The following CAMTA1 variants were observed in gnomAD, a reference collection of about 807,000 sequenced individuals.
CAMTA1 encodes the protein calmodulin-binding transcription activator 1.
CAMTA1 carries 27 observed loss-of-function variants against 170.9 expected under a neutral mutation model. That is an observed-to-expected ratio of 0.16 (90% CI 0.12 to 0.22). The LOEUF (loss-of-function observed/expected upper bound fraction) is 0.22. Among genes scored for constraint, CAMTA1 ranks in the 10% least tolerant of loss-of-function variants. The pLI is 1.00. For synonymous variants in CAMTA1, 833 were observed against 891.5 expected (o/e 0.93, Z 1.17); for missense variants, 1,619 against 2,217.2 (o/e 0.73, Z 5.42).
chr1:7,666,246 A>T (rs77430322), intron 9 of CAMTA1, among the ~76,000 whole-genome samples: 3,672 of 152,234 alleles, frequency 0.024, 139 homozygotes, highest in African/African-American at 0.081. Context: ...CTCTAAGCCA[A>T]ACAAAACCAA....
At chr1:7,039,883 T>A (rs1704161177) in intron 3 of CAMTA1, among the ~76,000 whole-genome samples, 1 of 152,154 alleles carries the variant, frequency 6.6e-6, no homozygotes, top group Non-Finnish European at 1.5e-5. Context: ...AATTGCCTTT[T>A]TTCTGGGGGC....
intron 5 of CAMTA1, among the ~76,000 whole-genome samples, chr1:7,341,050 C>G (rs1378667775): frequency 1.3e-5 from 2 of 152,252 alleles, no homozygotes; most frequent in East Asian, 3.8e-4. Flanking sequence ...TGCCAAGACA[C>G]AGCCTTGATG....
rs192579461 is a variant in CAMTA1, at chr1:7,594,833, C to A, written c.511-45567C>A. On this transcript the variant is annotated intron_variant, in intron 6 of 22. Coordinates refer to ENST00000303635, the MANE Select transcript of CAMTA1 (RefSeq NM_015215.4). ...AAAGGGAGGCCCAGCGGGGAACAGGCGGGATGAAGAGCTCCCCTCGGGTCA... is the reference window on the plus strand; with the variant it reads ...AAAGGGAGGCCCAGCGGGGAACAGGAGGGATGAAGAGCTCCCCTCGGGTCA... Among the ~76,000 whole-genome samples the A allele has an allele frequency of 7.2e-5, 11 of 152,244 alleles. No homozygotes were observed. The East Asian group carries it at 2.1e-3, about 29-fold the overall frequency.
At chr1:7,226,666 A>T (rs572324796) in intron 4 of CAMTA1, among the ~76,000 whole-genome samples, 1 of 152,182 alleles carries the variant, frequency 6.6e-6, no homozygotes, top group Non-Finnish European at 1.5e-5. Context: ...GAAGAATTCT[A>T]TAGAAATGAG....
intron 19 of CAMTA1, chr1:7,749,913 G>T: frequency 2.5e-6 from 1 of 398,174 alleles, no homozygotes; most frequent in Admixed American, 3.0e-5. Flanking sequence ...TATCCCCCTT[G>T]CCAGGCCACC....
intron 3 of CAMTA1, among the ~76,000 whole-genome samples, chr1:6,938,452 A>T (rs1162820051): frequency 6.6e-6 from 1 of 152,124 alleles, no homozygotes; most frequent in Non-Finnish European, 1.5e-5. Context: ...GCTCTGCTCC[A>T]TGCTGGCAGC....
In CAMTA1 at chr1:7,213,968, A is replaced by G. The variant is rs570752521; in HGVS notation, c.303-35523A>G. Among the ~76,000 whole-genome samples, 1,282 of 152,244 alleles carry G rather than the reference A, an allele frequency of 8.4e-3. 18 individuals carry two copies. The highest frequency in any genetic ancestry group is 0.028 in the African/African-American group (1,182 of 41,542). On this transcript the variant is annotated intron_variant, in intron 4 of 22. Coordinates refer to ENST00000303635, the MANE Select transcript of CAMTA1 (RefSeq NM_015215.4). The stretch of plus-strand genomic sequence containing the variant: ...ATTTTTTATGGCTGCATAGTATTCC[A>G]TGGTGTATATGTGCCACATTTTCTT...
intron 5 of CAMTA1, among the ~76,000 whole-genome samples, chr1:7,255,383 C>T (rs976403404): frequency 1.3e-5 from 2 of 151,952 alleles, no homozygotes; most frequent in Non-Finnish European, 2.9e-5. Context: ...ACTCCATTAC[C>T]CTCCAGCCTC....
At chr1:6,867,980 A>AT (rs1667169287) in intron 3 of CAMTA1, among the ~76,000 whole-genome samples, 1 of 151,760 alleles carries the variant, frequency 6.6e-6, no homozygotes, top group African/African-American at 2.4e-5. Flanking sequence ...GCTAATGTTA[A>AT]TTTTTTGTGG....
At chr1:7,703,770 G>C (rs960006927) in intron 11 of CAMTA1, among the ~76,000 whole-genome samples, 1 of 152,172 alleles carries the variant, frequency 6.6e-6, no homozygotes, top group Non-Finnish European at 1.5e-5. Flanking sequence ...CTCTGTGCGA[G>C]GCCGTGGGAC....
At chr1:7,630,038 A>C (rs2095658526) in intron 6 of CAMTA1, among the ~76,000 whole-genome samples, 2 of 152,226 alleles carry the variant, frequency 1.3e-5, no homozygotes, top group Admixed American at 6.5e-5. Flanking sequence ...GTCATCTGCA[A>C]ACGTGGAGAT....
In CAMTA1 at chr1:7,641,210, C is replaced by G. The variant is rs529276139; in HGVS notation, c.664+657C>G. 6.6e-6 allele frequency among the ~76,000 whole-genome samples: 1 copy of G among 152,224 alleles called. No individual in the cohort carries two copies. The highest frequency in any genetic ancestry group is 1.9e-4 in the East Asian group (1 of 5,188). On this transcript the variant is annotated intron_variant, in intron 7 of 22. Coordinates refer to ENST00000303635, the MANE Select transcript of CAMTA1 (RefSeq NM_015215.4). The surrounding 1 kb of genome is among the most constrained non-coding windows in gnomAD (Gnocchi z 4.5). ...CGGCTCTCAGTGGCTTCTCCTGCCCCCTGTTCAGCGGGGCTCGGGAAAAAC... is the reference window on the plus strand; with the variant it reads ...CGGCTCTCAGTGGCTTCTCCTGCCCGCTGTTCAGCGGGGCTCGGGAAAAAC...
chr1:7,089,914 G>A (rs1471784466), intron 3 of CAMTA1, among the ~76,000 whole-genome samples: 3 of 152,190 alleles, frequency 2.0e-5, no homozygotes, highest in Non-Finnish European at 2.9e-5. Context: ...ACGTAAAAAG[G>A]CTCAGGGATG....
At chr1:7,252,115 CT>C (rs1262143678) in intron 5 of CAMTA1, among the ~76,000 whole-genome samples, 2 of 152,126 alleles carry the variant, frequency 1.3e-5, no homozygotes, top group African/African-American at 4.8e-5. Context: ...TTATACACGT[CT>C]TTTTGGGCAC....
intron 3 of CAMTA1, among the ~76,000 whole-genome samples, chr1:7,028,524 CCTT>C (rs1175222095): frequency 1.3e-5 from 2 of 152,188 alleles, no homozygotes; most frequent in Non-Finnish European, 2.9e-5. Context: ...TGCATGTTCT[CCTT>C]CTTGCTGCCG....
chr1:7,258,946 C>T (rs1034327851), intron 5 of CAMTA1, among the ~76,000 whole-genome samples: 8 of 152,152 alleles, frequency 5.3e-5, no homozygotes, highest in African/African-American at 1.9e-4. Flanking sequence ...CTCTGCTTCC[C>T]ACACGCCGGG....
chr1:7,668,665 C>G (rs908443974), intron 9 of CAMTA1, among the ~76,000 whole-genome samples: 1 of 152,124 alleles, frequency 6.6e-6, no homozygotes, highest in Non-Finnish European at 1.5e-5. Flanking sequence ...CGCAGCCAGG[C>G]GGGCTGTTGC....
In CAMTA1 at chr1:7,171,285, G is replaced by A. The variant is rs145274348; in HGVS notation, c.303-78206G>A. Among the ~76,000 whole-genome samples the A allele has an allele frequency of 5.3e-3, 807 of 152,280 alleles. 8 individuals carry two copies. Among genetic ancestry groups the A allele is most frequent in the African/African-American group, 0.019 (785 of 41,550 alleles). ...TGTTCAGAGTATGTGCAATTGCCTT[G>A]GTTTGGAGACATGGCTGCACACATT... is the stretch of plus-strand genomic sequence containing the variant. On this transcript the variant is annotated intron_variant, in intron 4 of 22. Coordinates refer to ENST00000303635, the MANE Select transcript of CAMTA1 (RefSeq NM_015215.4).
chr1:7,492,814 C>T (rs1466557234), intron 6 of CAMTA1, among the ~76,000 whole-genome samples: 6 of 147,672 alleles, frequency 4.1e-5, no homozygotes, highest in Non-Finnish European at 4.4e-5. Flanking sequence ...CACATGCGCG[C>T]ACAGACACAC....
Sources: gnomAD v4.1 joint callset for allele counts (sites outside exome capture counted in the v4.1 genomes callset) on GRCh38, gnomAD v4.1.1 for gene constraint, Gnocchi (gnomAD v3.1) non-coding constraint, MANE v1.5 for transcripts, NCBI Gene and HGNC (gene_info 2026-07-23, HGNC 2026-07-21) for gene names.